Variants in MAP3K12 observed in about 807,000 individuals in gnomAD.
The protein encoded by MAP3K12 is mitogen-activated protein kinase kinase kinase 12.
MAP3K12 carries 14 observed loss-of-function variants against 87.5 expected under a neutral mutation model. The ratio of observed to expected loss-of-function variants is 0.16; its 90% CI spans 0.11 to 0.25. MAP3K12 has a LOEUF of 0.25. Among genes scored for constraint, MAP3K12 ranks in the 10% least tolerant of loss-of-function variants. MAP3K12 has a pLI of 1.00. For synonymous variants in MAP3K12, 469 were observed against 452.5 expected (o/e 1.04, Z -0.46); for missense variants, 802 against 1,140.4 (o/e 0.70, Z 4.27).
chr12:53,486,850 G>A lies in MAP3K12; in HGVS notation c.445+97C>T. 6.4e-7 allele frequency: 1 copy of A among 1,560,790 alleles called. No individual in the cohort carries two copies. Among genetic ancestry groups the A allele is most frequent in the East Asian group, 2.3e-5 (1 of 44,318 alleles). On this transcript the variant is annotated intron_variant, in intron 2 of 13. Transcript: ENST00000547488. The surrounding 1 kb of genome is among the most constrained non-coding windows in gnomAD (Gnocchi z 4.9). ...GCTAAGGGACTAGGGCTGGGCCATGGGGAGGGAAGGGACCATTGCGTGACT... is the reference window on the plus strand; with the variant it reads ...GCTAAGGGACTAGGGCTGGGCCATGAGGAGGGAAGGGACCATTGCGTGACT...
chr12:53,481,838 T>C, intron 13 of MAP3K12, 103 bp downstream of exon 13: 1 of 1,418,294 alleles, frequency 7.1e-7, no homozygotes, highest in Non-Finnish European at 9.6e-7. Flanking sequence ...TTTATGGTAC[T>C]TTCTGGCCTG....
At chr12:53,491,112 A>AC (rs1333128258) in intron 1 of MAP3K12, among the ~76,000 whole-genome samples, 1 of 151,368 alleles carries the variant, frequency 6.6e-6, no homozygotes, top group Non-Finnish European at 1.5e-5. Context: ...ACACGGTGCA[A>AC]CCCCGTCTCT....
At chr12:53,497,596 A>C (rs924449116) in intron 1 of MAP3K12, among the ~76,000 whole-genome samples, 10 of 152,176 alleles carry the variant, frequency 6.6e-5, no homozygotes, top group African/African-American at 2.4e-4. Context: ...CCCTGCTGGC[A>C]TCATCTCAAC....
chr12:53,498,215 G>C (rs1565894325), intron 1 of MAP3K12, among the ~76,000 whole-genome samples: 1 of 152,184 alleles, frequency 6.6e-6, no homozygotes, highest in Non-Finnish European at 1.5e-5. Flanking sequence ...AAACTTCAGT[G>C]TCTGGACAGG....
Position 53,486,372 on chromosome 12 carries a change from A to G in MAP3K12, c.629+67T>C. The G allele has an allele frequency of 6.3e-7, 1 of 1,581,914 alleles. No homozygotes were observed. Among genetic ancestry groups the G allele is most frequent in the Non-Finnish European group, 8.6e-7 (1 of 1,161,036 alleles). ...TCTGGGGAAGGATGGGGTAGGTCCC[A>G]CTGCCCAGGAGGGTACCAGGCCTTA... On this transcript the variant is annotated intron_variant, in intron 3 of 13. Coordinates refer to ENST00000547488, the MANE Select transcript of MAP3K12 (RefSeq NM_001193511.2). This position sits in a 1 kb window ranked among gnomAD's most constrained non-coding sequence, Gnocchi z 4.9.
In MAP3K12 at chr12:53,482,193, G is replaced by A; in HGVS notation, c.2328C>T (p.Asn776=). 1 of 1,614,222 alleles carries A rather than the reference G, an allele frequency of 6.2e-7. No individual in the cohort carries two copies. Residue 776 remains asparagine (N), a synonymous_variant, in exon 13 of 14, where the codon AAC becomes AAT. Coordinates refer to ENST00000547488, the MANE Select transcript of MAP3K12 (RefSeq NM_001193511.2). ...TSSQRWPQSL[N]MRQSLSTFSS... ...TGAAGGTAGATAGTGACTGGCGCAT[G>A]TTCAGGCTCTGAGGCCACCTACATG...
intron 1 of MAP3K12, chr12:53,492,966 A>G (rs1314655569): frequency 6.6e-6 from 1 of 152,236 alleles, no homozygotes; most frequent in African/African-American, 2.4e-5. Context: ...GACCGCTGAA[A>G]GTGGGGAGGA....
intron 13 of MAP3K12, chr12:53,481,490 C>G: frequency 3.2e-6 from 1 of 310,102 alleles, no homozygotes; most frequent in Non-Finnish European, 6.0e-6. Flanking sequence ...GCTGGGACTA[C>G]AGGCATGCAC....
At chr12:53,488,482 A>C (rs570361919) in intron 1 of MAP3K12, among the ~76,000 whole-genome samples, 37 of 152,112 alleles carry the variant, frequency 2.4e-4, no homozygotes, top group African/African-American at 8.2e-4. Flanking sequence ...GTCAACATGG[A>C]GAAACCCCGT....
chr12:53,482,693 G>A lies in MAP3K12; in HGVS notation c.2110C>T (p.Pro704Ser). 6.2e-7 allele frequency: 1 copy of A among 1,613,946 alleles called. No individual in the cohort carries two copies. ...AKGEPPPPVG[P>S]GEGVGLLGTG... ...CCCAGAAGCCCCACACCTTCACCAG[G>A]CCCTACTGGAGGAGGTGGTTCCCCT... is the stretch of plus-strand genomic sequence containing the variant. The change falls in exon 11 of 14, where the codon CCT becomes TCT. Residue 704 changes from proline to serine, a missense_variant. Coordinates refer to ENST00000547488, the MANE Select transcript of MAP3K12 (RefSeq NM_001193511.2).
In MAP3K12 at chr12:53,482,029, A is replaced by G. The variant is rs770089875; in HGVS notation, c.2492T>C (p.Ile831Thr). 2.4e-5 allele frequency: 38 copies of G among 1,613,950 alleles called. 1 individual carries two copies. In the Middle Eastern group the frequency reaches 1.2e-3, roughly 49 times the overall value. Residue 831 changes from isoleucine (I) to threonine (T), a missense_variant, in exon 13 of 14, where the codon ATC (isoleucine) becomes ACC (threonine). This residue lies in a region of MAP3K12 where 490 missense variants were observed against 496.6 expected (regional missense o/e 0.99). Coordinates refer to ENST00000547488, the MANE Select transcript of MAP3K12 (RefSeq NM_001193511.2). ...SDDMCSQGSE[I>T]PLDPPPSEVI... ...CTCTGAAGGAGGTGGGTCCAGTGGGATTTCTGAGCCCTGGGAGCACATGTC... is the reference window on the plus strand; with the variant it reads ...CTCTGAAGGAGGTGGGTCCAGTGGGGTTTCTGAGCCCTGGGAGCACATGTC...
chr12:53,491,572 T>C (rs1177458293), intron 1 of MAP3K12, among the ~76,000 whole-genome samples: 1 of 150,166 alleles, frequency 6.7e-6, no homozygotes, highest in East Asian at 2.1e-4. Flanking sequence ...TAGCTGGGAC[T>C]ACAGGCGCCC....
In MAP3K12 at chr12:53,482,399, G is replaced by A. The variant is rs144739544; in HGVS notation, c.2239-30C>T. ...AGGAGAGATGGGGTGGGGGGGGTCT[G>A]ATTAGAAGTGGAAAGAGGTCACTAA... On this transcript the variant is annotated intron_variant, in intron 11 of 13. Transcript: ENST00000547488. 1.0e-3 allele frequency: 1,631 copies of A among 1,612,220 alleles called. 25 individuals are homozygous for A. The East Asian group carries it at 0.029, about 29-fold the overall frequency.
Position 53,480,413 on chromosome 12 carries a change from CAG to C in MAP3K12, c.*767_*768del, listed in dbSNP as rs1240820431. The C allele has an allele frequency of 6.6e-6, 1 of 152,450 alleles. No homozygotes were observed. The highest frequency in any genetic ancestry group is 1.9e-4 in the East Asian group (1 of 5,196). The allele number at this position is 152,450 out of a possible 1,614,324, so 9.4% of individuals were successfully genotyped here. On this transcript the variant is annotated 3_prime_UTR_variant, in exon 14 of 14. Transcript: ENST00000547488. The stretch of plus-strand genomic sequence containing the variant: ...GGCAGGAGAACTTCTCCAGACACCT[CAG>C]ATAAAGTCCGGAGCCCAAGGCTTTA...
Position 53,483,696 on chromosome 12 carries a change from A to G in MAP3K12, c.1386T>C (p.Tyr462=), listed in dbSNP as rs1419748380. The G allele has an allele frequency of 1.2e-6, 2 of 1,613,930 alleles. No homozygotes were observed. Among genetic ancestry groups the G allele is most frequent in the Admixed American group, 3.3e-5 (2 of 60,014 alleles). ...LRHALDIREH[Y]ERKLERANNL... ...TGTTGGCTCTCTCCAGCTTCCTTTC[A>G]TAGTGCTCCCTGATGTCCAGGGCGT... Residue 462 remains tyrosine, a synonymous_variant, in exon 9 of 14, where the codon TAT becomes TAC. Transcript: ENST00000547488.
chr12:53,487,182 C>G lies in MAP3K12; in HGVS notation c.210G>C (p.Glu70Asp), dbSNP rs1943250810. The G allele has an allele frequency of 6.2e-7, 1 of 1,613,882 alleles. No homozygotes were observed. The highest frequency in any genetic ancestry group is 1.3e-5 in the African/African-American group (1 of 74,888). The change falls in exon 2 of 14, where the codon GAG becomes GAC. Residue 70 changes from glutamate (E) to aspartate (D), a missense_variant. Physicochemically the swap from Glu to Asp is conservative, Grantham distance 45. Around this residue, in one of 5 missense-constraint regions of MAP3K12, gnomAD observed 135 missense variants for 151.6 expected, o/e 0.89. Transcript: ENST00000547488. ...TGTTGGCAAAAGGCTCAGGGGGCGG[C>G]TCTCCACCTGGGGAGGGGCTGGGCC... is the stretch of plus-strand genomic sequence containing the variant. Reference protein sequence around the residue: ...GGGPSPSPGGEPPPEPFANSV... With the variant: ...GGGPSPSPGGDPPPEPFANSV...
At chr12:53,496,479 C>CG (rs1943551724) in intron 1 of MAP3K12, among the ~76,000 whole-genome samples, 1 of 152,122 alleles carries the variant, frequency 6.6e-6, no homozygotes, top group South Asian at 2.1e-4. Context: ...ATGGAGGCCT[C>CG]GGGGAAGGGG....
chr12:53,483,201 G>A lies in MAP3K12; in HGVS notation c.1614-12C>T. 1 of 1,525,736 alleles carries A rather than the reference G, an allele frequency of 6.6e-7. No individual in the cohort carries two copies. Among genetic ancestry groups the A allele is most frequent in the Non-Finnish European group, 8.8e-7 (1 of 1,138,978 alleles). The allele number at this position is 1,525,736 out of a possible 1,614,324, so 94.5% of individuals were successfully genotyped here. ...TGAGGATATCTGGCCTGGAAGAAGA[G>A]GAAAAGTAAAAGGTTAAGACTGCCA... On this transcript the variant is annotated splice_polypyrimidine_tract_variant and intron_variant, in intron 10 of 13. Coordinates refer to ENST00000547488, the MANE Select transcript of MAP3K12 (RefSeq NM_001193511.2).
intron 1 of MAP3K12, among the ~76,000 whole-genome samples, chr12:53,488,110 A>C (rs1333290314): frequency 1.3e-5 from 2 of 152,204 alleles, no homozygotes; most frequent in Non-Finnish European, 2.9e-5. Flanking sequence ...CTCCAAGGTA[A>C]GTGAAGGTTG....
Sources: gnomAD v4.1 joint callset for allele counts (sites outside exome capture counted in the v4.1 genomes callset) on GRCh38, gnomAD v4.1.1 for gene constraint, gnomAD v4.1.1 regional missense constraint, Gnocchi (gnomAD v3.1) non-coding constraint, MANE v1.5 for transcripts, NCBI Gene and HGNC (gene_info 2026-07-23, HGNC 2026-07-21) for gene names.